The following PRKN variants were observed in gnomAD, a reference collection of about 807,000 sequenced individuals.
PRKN encodes the protein E3 ubiquitin-protein ligase parkin.
In PRKN, 56 loss-of-function variants were observed where a neutral mutation model predicts 59.5. The observed-to-expected ratio is 0.94, with a 90% CI of 0.76 to 1.18. PRKN has a LOEUF of 1.18. Among genes scored for constraint, PRKN ranks in the 50% most tolerant of loss-of-function variants. The probability of loss-of-function intolerance (pLI) is 0.00; values close to 1 mark genes in which losing one functional copy is unlikely to be tolerated. For synonymous variants in PRKN, 250 were observed against 222.1 expected (o/e 1.13, Z -1.12); for missense variants, 657 against 596.4 (o/e 1.10, Z -1.06).
chr6:162,328,629 C>A (rs776087688), intron 2 of PRKN, among the ~76,000 whole-genome samples: 1 of 152,128 alleles, frequency 6.6e-6, no homozygotes, highest in Non-Finnish European at 1.5e-5. Context: ...GCAGGACAAA[C>A]GAATAAAGGA....
intron 1 of PRKN, among the ~76,000 whole-genome samples, chr6:162,540,534 G>T (rs1032614651): frequency 6.6e-6 from 1 of 152,038 alleles, no homozygotes; most frequent in Non-Finnish European, 1.5e-5. Flanking sequence ...CTGGCTGGGC[G>T]TGGTGGCTCA....
intron 2 of PRKN, among the ~76,000 whole-genome samples, chr6:162,393,389 T>C (rs1407108008): frequency 6.6e-6 from 1 of 151,996 alleles, no homozygotes; most frequent in African/African-American, 2.4e-5. Flanking sequence ...CTCAAACTCC[T>C]GACCTCGTGA....
intron 1 of PRKN, chr6:162,569,178 C>T: frequency 1.7e-6 from 1 of 584,692 alleles, no homozygotes; most frequent in African/African-American, 1.8e-5. Context: ...TAAGGAGCTG[C>T]AGATGCAAAG....
At chr6:162,137,550 C>T (rs1364065779) in intron 4 of PRKN, among the ~76,000 whole-genome samples, 1 of 152,174 alleles carries the variant, frequency 6.6e-6, no homozygotes, top group Admixed American at 6.5e-5. Flanking sequence ...ACTCCTGACA[C>T]TGGGTAAATT....
chr6:161,355,787 A>G lies in PRKN; in HGVS notation c.1285+4301T>C, dbSNP rs1275918113. On this transcript the variant is annotated intron_variant, in intron 11 of 11. Coordinates refer to ENST00000366898, the MANE Select transcript of PRKN (RefSeq NM_004562.3). This position sits in a 1 kb window ranked among gnomAD's most constrained non-coding sequence, Gnocchi z 6.8. ...GGAGCCTAGACGGTCAAGGTCCCTGATCTCACCGGCTTATGTTCTAAAGAG... is the reference window on the plus strand; with the variant it reads ...GGAGCCTAGACGGTCAAGGTCCCTGGTCTCACCGGCTTATGTTCTAAAGAG... Among the ~76,000 whole-genome samples the G allele has an allele frequency of 6.6e-6, 1 of 152,194 alleles. No individual in the cohort carries two copies. Among genetic ancestry groups the G allele is most frequent in the Non-Finnish European group, 1.5e-5 (1 of 68,034 alleles).
chr6:162,249,209 T>G (rs1418450390), intron 3 of PRKN, among the ~76,000 whole-genome samples: 2 of 152,204 alleles, frequency 1.3e-5, no homozygotes, highest in Non-Finnish European at 2.9e-5. Flanking sequence ...GTAAGTAGTA[T>G]CTGATTTTTA....
At chr6:161,735,545 G>A (rs536365231) in intron 7 of PRKN, among the ~76,000 whole-genome samples, 6 of 152,274 alleles carry the variant, frequency 3.9e-5, no homozygotes, top group African/African-American at 1.4e-4. Flanking sequence ...GTCAAAAGTT[G>A]TACACAGATT....
At chr6:162,198,760 T>C (rs1162948845) in intron 4 of PRKN, among the ~76,000 whole-genome samples, 1 of 151,564 alleles carries the variant, frequency 6.6e-6, no homozygotes, top group Non-Finnish European at 1.5e-5. Context: ...GAGCATTTCT[T>C]AGGCTCACAG....
intron 7 of PRKN, among the ~76,000 whole-genome samples, chr6:161,669,459 TA>T (rs1043897669): frequency 6.6e-6 from 1 of 152,146 alleles, no homozygotes; most frequent in African/African-American, 2.4e-5. Flanking sequence ...CACCACCTGC[TA>T]AAAAATGACC....
intron 1 of PRKN, among the ~76,000 whole-genome samples, chr6:162,648,753 A>C (rs62429102): frequency 0.014 from 2,100 of 152,290 alleles, 33 homozygotes; most frequent in Admixed American, 0.055. Context: ...CACTGATCTC[A>C]TAGAGTGTGC....
chr6:162,265,025 C>T (rs1446190381), intron 2 of PRKN, among the ~76,000 whole-genome samples: 7 of 152,172 alleles, frequency 4.6e-5, no homozygotes, highest in Non-Finnish European at 8.8e-5. Context: ...CATCTGATAT[C>T]GCCATACTCC....
intron 4 of PRKN, among the ~76,000 whole-genome samples, chr6:162,143,041 C>T (rs538334778): frequency 3.9e-5 from 6 of 152,258 alleles, no homozygotes; most frequent in African/African-American, 1.4e-4. Flanking sequence ...GCCAATTGTT[C>T]TAGGAGATGT....
intron 6 of PRKN, among the ~76,000 whole-genome samples, chr6:161,872,134 G>C (rs1220415335): frequency 6.6e-6 from 1 of 152,078 alleles, no homozygotes; most frequent in Non-Finnish European, 1.5e-5. Flanking sequence ...AGACAAACAA[G>C]TGCGATAAGA....
intron 9 of PRKN, among the ~76,000 whole-genome samples, chr6:161,496,668 T>C (rs1205607298): frequency 1.3e-5 from 2 of 152,172 alleles, no homozygotes; most frequent in African/African-American, 4.8e-5. Flanking sequence ...TCTGTGGGGA[T>C]TATTACAATT....
rs531382068 is a variant in PRKN at position 161,549,976 on chromosome 6, G to T, written c.934-973C>A. On this transcript the variant is annotated intron_variant, in intron 8 of 11. Coordinates refer to ENST00000366898, the MANE Select transcript of PRKN (RefSeq NM_004562.3). The surrounding 1 kb of genome is among the most constrained non-coding windows in gnomAD (Gnocchi z 6.0). ...AAGAAAATAATCAACAGGGAAGAGG[G>T]AGAGTCCAAAGAAGGTGGAGATTTC... is the stretch of plus-strand genomic sequence containing the variant. Among the ~76,000 whole-genome samples the T allele has an allele frequency of 9.9e-5, 15 of 152,168 alleles. No individual in the cohort carries two copies. Among genetic ancestry groups the T allele is most frequent in the Admixed American group, 2.0e-4 (3 of 15,274 alleles).
At chr6:161,485,586 A>G (rs1392600618) in intron 9 of PRKN, among the ~76,000 whole-genome samples, 1 of 152,216 alleles carries the variant, frequency 6.6e-6, no homozygotes, top group Non-Finnish European at 1.5e-5. Context: ...AGTTTAGAGG[A>G]ATACGAAGAT....
chr6:162,494,336 G>C (rs931181841), intron 1 of PRKN, among the ~76,000 whole-genome samples: 8 of 152,154 alleles, frequency 5.3e-5, no homozygotes, highest in African/African-American at 1.9e-4. Context: ...AGGTGTGCTT[G>C]TTTAGCACCC....
chr6:162,032,631 T>A (rs923305883), intron 5 of PRKN, among the ~76,000 whole-genome samples: 1 of 152,152 alleles, frequency 6.6e-6, no homozygotes, highest in African/African-American at 2.4e-5. Context: ...TTCATATCGA[T>A]GAAAAAAGCG....
At chr6:162,215,255 C>G (rs1401223901) in intron 3 of PRKN, among the ~76,000 whole-genome samples, 1 of 152,110 alleles carries the variant, frequency 6.6e-6, no homozygotes, top group African/African-American at 2.4e-5. Context: ...TGCATTCTCC[C>G]TGGTGTTGAT....
Sources: gnomAD v4.1 joint callset for allele counts (sites outside exome capture counted in the v4.1 genomes callset) on GRCh38, gnomAD v4.1.1 for gene constraint, Gnocchi (gnomAD v3.1) non-coding constraint, MANE v1.5 for transcripts, NCBI Gene and HGNC (gene_info 2026-07-23, HGNC 2026-07-21) for gene names.